ADAMTS9: variants seen among roughly 807,000 people sequenced by gnomAD.
ADAMTS9 encodes the protein A disintegrin and metalloproteinase with thrombospondin motifs 9.
In ADAMTS9, 107 loss-of-function variants were observed where a neutral mutation model predicts 257.1. That is an observed-to-expected ratio of 0.42 (90% CI 0.36 to 0.49). The LOEUF (loss-of-function observed/expected upper bound fraction) is 0.49, where lower values mean the gene tolerates loss of function less well. Ranked by LOEUF, ADAMTS9 falls within the 20% of genes least tolerant of loss-of-function variation. The probability of loss-of-function intolerance (pLI) is 0.03; values close to 1 mark genes in which losing one functional copy is unlikely to be tolerated. For synonymous variants in ADAMTS9, 982 were observed against 880.9 expected (o/e 1.11, Z -2.03); for missense variants, 2,353 against 2,469.1 (o/e 0.95, Z 1.00).
chr3:64,610,862 G>A (rs1167992755), intron 22 of ADAMTS9, among the ~76,000 whole-genome samples: 1 of 151,946 alleles, frequency 6.6e-6, no homozygotes, highest in Admixed American at 6.6e-5. Context: ...AGATCACGAG[G>A]TCAGGAGATA....
intron 38 of ADAMTS9, among the ~76,000 whole-genome samples, chr3:64,529,300 C>G (rs951337670): frequency 6.6e-6 from 1 of 152,188 alleles, no homozygotes; most frequent in African/African-American, 2.4e-5. Context: ...AGTGAGACAG[C>G]GTTACTGTTC....
Position 64,657,498 on chromosome 3 carries a change from C to G in ADAMTS9, c.969+1004G>C, listed in dbSNP as rs9860576. On this transcript the variant is annotated intron_variant, in intron 4 of 39. Coordinates refer to ENST00000498707, the MANE Select transcript of ADAMTS9 (RefSeq NM_182920.2). Reference sequence around the variant, plus strand: ...CTACTATAGGTATATGCCACTACACCTGGCTAATTGGTTTTTTTTTTTAAT... The same window carrying G: ...CTACTATAGGTATATGCCACTACACGTGGCTAATTGGTTTTTTTTTTTAAT... Among the ~76,000 whole-genome samples, 328 of 140,524 alleles carry G rather than the reference C, an allele frequency of 2.3e-3. 1 individual carries two copies. Among genetic ancestry groups the G allele is most frequent in the African/African-American group, 8.7e-3 (313 of 35,866 alleles). The allele number at this position is 140,524 out of a possible 152,430, so 92.2% of individuals were successfully genotyped here. A position where few individuals can be genotyped will look rare whatever the true frequency, so the allele number is the denominator to read the frequency against.
At position 64,526,070 on chromosome 3, in the gene ADAMTS9, A is replaced by G. The variant is rs576079519; in HGVS notation, c.5719-3810T>C. Among the ~76,000 whole-genome samples the G allele has an allele frequency of 6.8e-4, 98 of 143,856 alleles. No individual in the cohort carries two copies. In the East Asian group the frequency reaches 0.011, roughly 17 times the overall value. 94.4% of individuals were successfully genotyped at this position (143,856 alleles called of 152,430 possible). On this transcript the variant is annotated intron_variant, in intron 38 of 39. Transcript: ENST00000498707. ...TCTTATGTGTGATATGCTATACTAT[A>G]TATTATAATAAAATAATACAATATA... is the stretch of plus-strand genomic sequence containing the variant.
chr3:64,679,787 G>C (rs1701707847), intron 3 of ADAMTS9, among the ~76,000 whole-genome samples: 1 of 152,192 alleles, frequency 6.6e-6, no homozygotes, highest in African/African-American at 2.4e-5. Flanking sequence ...GGGAAGTCAA[G>C]AAGTTTAGGT....
intron 3 of ADAMTS9, among the ~76,000 whole-genome samples, chr3:64,680,216 T>A (rs1247680755): frequency 6.6e-6 from 1 of 152,166 alleles, no homozygotes; most frequent in African/African-American, 2.4e-5. Context: ...CTGGGGAGCA[T>A]TTGAGGAAAC....
intron 30 of ADAMTS9, among the ~76,000 whole-genome samples, chr3:64,555,120 G>A (rs1304835211): frequency 6.6e-6 from 1 of 152,170 alleles, no homozygotes; most frequent in Non-Finnish European, 1.5e-5. Flanking sequence ...GTTGCACAGT[G>A]TATGGACGGC....
intron 28 of ADAMTS9, among the ~76,000 whole-genome samples, chr3:64,591,825 G>A (rs1385527552): frequency 6.6e-6 from 1 of 152,148 alleles, no homozygotes; most frequent in Admixed American, 6.6e-5. Context: ...AAGCAACCAG[G>A]CAGAAGGATT....
At chr3:64,536,697 T>C (rs1483672526) in intron 37 of ADAMTS9, among the ~76,000 whole-genome samples, 1 of 152,190 alleles carries the variant, frequency 6.6e-6, no homozygotes, top group Non-Finnish European at 1.5e-5. Context: ...TTTCATAGAA[T>C]ACTGTGGTGA....
chr3:64,623,479 A>G (rs1576129430), intron 16 of ADAMTS9, among the ~76,000 whole-genome samples: 1 of 152,288 alleles, frequency 6.6e-6, no homozygotes, highest in East Asian at 1.9e-4. Context: ...CCTAACTGCC[A>G]TCTTGACTAC....
intron 37 of ADAMTS9, among the ~76,000 whole-genome samples, chr3:64,534,770 CA>C (rs1203136185): frequency 5.1e-5 from 1 of 19,454 alleles, no homozygotes; most frequent in African/African-American, 1.2e-4. Flanking sequence ...TTGTTTGTCA[CA>C]ACTGTGGGGG....
intron 39 of ADAMTS9, among the ~76,000 whole-genome samples, chr3:64,520,596 T>C (rs539735447): frequency 8.5e-5 from 13 of 152,058 alleles, no homozygotes; most frequent in African/African-American, 2.9e-4. Flanking sequence ...GGTACTAAAA[T>C]AGACACAAAA....
intron 29 of ADAMTS9, among the ~76,000 whole-genome samples, chr3:64,567,285 T>C (rs2106676578): frequency 6.6e-6 from 1 of 152,326 alleles, no homozygotes; most frequent in East Asian, 1.9e-4. Flanking sequence ...GAAGAATCCA[T>C]GCTAGAGCCC....
At chr3:64,625,246 AC>A (rs1258560456) in intron 16 of ADAMTS9, among the ~76,000 whole-genome samples, 1 of 152,316 alleles carries the variant, frequency 6.6e-6, no homozygotes, top group Admixed American at 6.5e-5. Flanking sequence ...TATTGATGAT[AC>A]CTGTATTGGT....
chr3:64,633,432 G>A (rs1044577849), intron 14 of ADAMTS9, 40 bp downstream of exon 14: 1 of 1,609,710 alleles, frequency 6.2e-7, no homozygotes, highest in African/African-American at 1.3e-5. Flanking sequence ...CAGGTTGGCA[G>A]CGGGAAAACA....
chr3:64,573,971 A>T (rs183100744), intron 28 of ADAMTS9, among the ~76,000 whole-genome samples: 16 of 152,360 alleles, frequency 1.1e-4, no homozygotes, highest in South Asian at 4.1e-4. Flanking sequence ...TGCAACTCAT[A>T]CATGTTTACT....
intron 22 of ADAMTS9, among the ~76,000 whole-genome samples, chr3:64,610,688 T>C (rs2084648943): frequency 6.6e-6 from 1 of 152,146 alleles, no homozygotes; most frequent in East Asian, 1.9e-4. Flanking sequence ...ATAACAATTT[T>C]GGCGAGGATG....
In ADAMTS9 at chr3:64,604,348, A is replaced by G. The variant is rs550677491; in HGVS notation, c.3475-17T>C. On this transcript the variant is annotated splice_polypyrimidine_tract_variant and intron_variant, in intron 23 of 39. Transcript: ENST00000498707. ...TTCACAGTCCTAGACGTGATGGGGG[A>G]AAAAAAAACAAAGTCACTTTCAAGT... 26 of 1,496,986 alleles carry G rather than the reference A, an allele frequency of 1.7e-5. No individual in the cohort carries two copies. The highest frequency in any genetic ancestry group is 4.1e-5 in the Admixed American group (2 of 48,372). 92.7% of individuals were successfully genotyped at this position (1,496,986 alleles called of 1,614,324 possible). A position where few individuals can be genotyped will look rare whatever the true frequency, so the allele number is the denominator to read the frequency against.
chr3:64,524,139 A>C (rs2106874555), intron 38 of ADAMTS9, among the ~76,000 whole-genome samples: 1 of 152,328 alleles, frequency 6.6e-6, no homozygotes, highest in Non-Finnish European at 1.5e-5. Context: ...ACAAATTTAA[A>C]GTGGATATAT....
At chr3:64,555,154 T>C (rs554435436) in intron 30 of ADAMTS9, among the ~76,000 whole-genome samples, 1 of 152,318 alleles carries the variant, frequency 6.6e-6, no homozygotes, top group South Asian at 2.1e-4. Context: ...ACAGGGTTCC[T>C]GGGTTTTTAT....
Sources: gnomAD v4.1 joint callset for allele counts (sites outside exome capture counted in the v4.1 genomes callset) on GRCh38, gnomAD v4.1.1 for gene constraint, MANE v1.5 for transcripts, NCBI Gene and HGNC (gene_info 2026-07-23, HGNC 2026-07-21) for gene names.